Variants in TTC3 observed in about 807,000 individuals in gnomAD.
TTC3 encodes E3 ubiquitin-protein ligase TTC3.
A neutral mutation model predicts 249.6 loss-of-function variants in TTC3; 180 were observed. The ratio of observed to expected loss-of-function variants is 0.72; its 90% CI spans 0.64 to 0.82. The LOEUF (loss-of-function observed/expected upper bound fraction) is 0.82. Ranked by LOEUF, TTC3 falls within the 40% of genes least tolerant of loss-of-function variation. The probability of loss-of-function intolerance (pLI) is 0.00; values close to 1 mark genes in which losing one functional copy is unlikely to be tolerated. For missense variants in TTC3, 2,061 were observed against 2,398.4 expected (o/e 0.86, Z 2.94); for synonymous variants, 717 against 805.0 (o/e 0.89, Z 1.85).
intron 16 of TTC3, among the ~76,000 whole-genome samples, chr21:37,132,230 C>T (rs1171027874): frequency 3.3e-5 from 5 of 152,096 alleles, no homozygotes; most frequent in African/African-American, 1.2e-4. Context: ...GTATGGCTCA[C>T]CATTTACTCA....
intron 37 of TTC3, 65 bp from the exon 38 acceptor site, chr21:37,186,984 A>C: frequency 2.0e-6 from 2 of 1,008,044 alleles, no homozygotes. Context: ...TCCAGCCTGA[A>C]ACCTTTGTCA....
intron 11 of TTC3, among the ~76,000 whole-genome samples, chr21:37,111,403 C>G (rs532815267): frequency 7.9e-4 from 121 of 152,228 alleles, no homozygotes; most frequent in African/African-American, 2.8e-3. Flanking sequence ...GGTTGCAATC[C>G]TAGTCTCAGA....
chr21:37,078,606 C>CTTAT (rs34804091), intron 1 of TTC3, among the ~76,000 whole-genome samples: 68,875 of 151,436 alleles, frequency 0.45, 16,137 homozygotes, highest in Non-Finnish European at 0.52. Context: ...AATATTTTAA[C>CTTAT]TTATTGTTAA....
chr21:37,201,303 CCT>C, intron 45 of TTC3, 135 bp from the exon 46 acceptor site: 1 of 1,065,788 alleles, frequency 9.4e-7, no homozygotes, highest in South Asian at 1.3e-5. Flanking sequence ...TGTTGGTGTC[CCT>C]GAGTATTGGG....
chr21:37,199,303 T>G (rs1254667704), intron 44 of TTC3, among the ~76,000 whole-genome samples: 2 of 152,232 alleles, frequency 1.3e-5, no homozygotes, highest in African/African-American at 4.8e-5. Flanking sequence ...TGCCAGCTGC[T>G]AAAGACCCAG....
At chr21:37,143,793 C>CATAT (rs1290960700) in intron 20 of TTC3, among the ~76,000 whole-genome samples, 1 of 132,574 alleles carries the variant, frequency 7.5e-6, no homozygotes, top group Non-Finnish European at 1.6e-5. Context: ...CACATGCACA[C>CATAT]ATATGTTTAT....
chr21:37,138,757 G>A, intron 19 of TTC3, 43 bp downstream of exon 19: 1 of 1,313,784 alleles, frequency 7.6e-7, no homozygotes, highest in Non-Finnish European at 1.1e-6. Context: ...AAATGATATT[G>A]ACATATCTTA....
intron 37 of TTC3, 28 bp from the exon 38 acceptor site, chr21:37,187,021 A>G: frequency 6.9e-7 from 1 of 1,448,324 alleles, no homozygotes; most frequent in Non-Finnish European, 9.3e-7. Context: ...TGTTCAAGAA[A>G]GTTTTTTTTT....
intron 1 of TTC3, 98 bp from the exon 2 acceptor site, chr21:37,087,149 T>C (rs952815881): frequency 7.3e-6 from 10 of 1,364,186 alleles, no homozygotes; most frequent in Non-Finnish European, 1.0e-5. Flanking sequence ...GGGCATAGGT[T>C]CCAAGTATTT....
At chr21:37,175,841 G>A (rs1309170772) in intron 35 of TTC3, among the ~76,000 whole-genome samples, 2 of 151,434 alleles carry the variant, frequency 1.3e-5, no homozygotes, top group South Asian at 2.1e-4. Context: ...CATGATCTTG[G>A]CTCACTGCAG....
chr21:37,074,310 G>T (rs772830890), intron 1 of TTC3, among the ~76,000 whole-genome samples: 1 of 152,212 alleles, frequency 6.6e-6, no homozygotes, highest in Non-Finnish European at 1.5e-5. Context: ...TCTTCAGCCA[G>T]CCTGTTCAGG....
intron 18 of TTC3, among the ~76,000 whole-genome samples, chr21:37,137,014 A>G (rs1007755244): frequency 1.3e-5 from 2 of 152,224 alleles, no homozygotes; most frequent in Admixed American, 1.3e-4. Context: ...ACATCTGTTT[A>G]CAGCATGGTT....
chr21:37,112,549 A>G (rs548187043), intron 11 of TTC3, among the ~76,000 whole-genome samples: 1 of 152,342 alleles, frequency 6.6e-6, no homozygotes, highest in South Asian at 2.1e-4. Context: ...CCAATAATTA[A>G]TAGCTTACCA....
At chr21:37,139,025 A>G (rs1327029779) in intron 19 of TTC3, among the ~76,000 whole-genome samples, 1 of 152,152 alleles carries the variant, frequency 6.6e-6, no homozygotes, top group Admixed American at 6.6e-5. Context: ...TTGTGATCCC[A>G]CTTATATACT....
At position 37,115,020 on chromosome 21, in the gene TTC3, C is replaced by T. The variant is rs537960553; in HGVS notation, c.900+6574C>T. ...ACACAGGAAGGGGAACATCACACACCGGGGCCTGTTGTGAGGTGGGAGGGG... is the reference window on the plus strand; with the variant it reads ...ACACAGGAAGGGGAACATCACACACTGGGGCCTGTTGTGAGGTGGGAGGGG... On this transcript the variant is annotated intron_variant, in intron 11 of 45. Coordinates refer to ENST00000355666, the Ensembl canonical transcript of TTC3. 7.2e-5 allele frequency among the ~76,000 whole-genome samples: 11 copies of T among 151,820 alleles called. No individual in the cohort carries two copies. The South Asian group carries it at 8.4e-4, about 12-fold the overall frequency.
chr21:37,119,764 C>G (rs910670625), intron 11 of TTC3, among the ~76,000 whole-genome samples: 7 of 151,990 alleles, frequency 4.6e-5, no homozygotes, highest in Non-Finnish European at 7.4e-5. Flanking sequence ...TATCTTTTGT[C>G]TTTGTTTTAG....
chr21:37,186,518 T>C (rs1278923674), intron 37 of TTC3, among the ~76,000 whole-genome samples: 1 of 152,222 alleles, frequency 6.6e-6, no homozygotes, highest in Non-Finnish European at 1.5e-5. Flanking sequence ...CATTGCTCAC[T>C]GCAGACACCA....
At chr21:37,129,940 C>A (rs2077339693) in intron 16 of TTC3, among the ~76,000 whole-genome samples, 2 of 152,196 alleles carry the variant, frequency 1.3e-5, no homozygotes, top group East Asian at 3.9e-4. Context: ...CCTGGCCTTG[C>A]CTCCTGTCTT....
chr21:37,139,413 T>G (rs967918392), intron 19 of TTC3, among the ~76,000 whole-genome samples: 4 of 152,142 alleles, frequency 2.6e-5, no homozygotes, highest in African/African-American at 9.6e-5. Flanking sequence ...ATTATAACTT[T>G]GCTTTCTGAG....
Sources: gnomAD v4.1 joint callset for allele counts (sites outside exome capture counted in the v4.1 genomes callset) on GRCh38, gnomAD v4.1.1 for gene constraint, MANE v1.5 for transcripts, NCBI Gene and HGNC (gene_info 2026-07-23, HGNC 2026-07-21) for gene names.